The following CAMK2A variants were observed in gnomAD, a reference collection of about 807,000 sequenced individuals.
CAMK2A encodes the protein calcium/calmodulin-dependent protein kinase type II subunit alpha.
Under a neutral mutation model 79.2 loss-of-function variants are expected in CAMK2A, and 7 were observed. That is an observed-to-expected ratio of 0.09 (90% confidence interval 0.05 to 0.17). The LOEUF is 0.17. Ranked by LOEUF, CAMK2A falls within the 10% of genes least tolerant of loss-of-function variation. The pLI is 1.00. For synonymous variants in CAMK2A, 242 were observed against 251.7 expected, an observed-to-expected ratio of 0.96 and a Z score of 0.36; for missense variants, 214 against 646.4, an observed-to-expected ratio of 0.33 and a Z score of 7.25.
chr5:150,239,070 G>A (rs1222963352), intron 14 of CAMK2A, among the ~76,000 whole-genome samples: 5 of 152,176 alleles, frequency 3.3e-5, no homozygotes, highest in African/African-American at 9.7e-5. Flanking sequence ...ACACCATGGC[G>A]GCCGCAGAGT....
At chr5:150,280,751 T>C (rs1757178044) in intron 1 of CAMK2A, among the ~76,000 whole-genome samples, 1 of 152,076 alleles carries the variant, frequency 6.6e-6, no homozygotes, top group African/African-American at 2.4e-5. Context: ...GCCCTTCCTT[T>C]TGTTTCTGGG....
intron 1 of CAMK2A, among the ~76,000 whole-genome samples, chr5:150,288,172 G>A (rs1033662798): frequency 6.6e-6 from 1 of 152,058 alleles, no homozygotes; most frequent in Admixed American, 6.5e-5. Flanking sequence ...ACGTAGATGT[G>A]CATATCAAGA....
intron 2 of CAMK2A, among the ~76,000 whole-genome samples, chr5:150,271,257 TG>T (rs1314285703): frequency 7.2e-5 from 11 of 152,216 alleles, no homozygotes; most frequent in Non-Finnish European, 1.5e-4. Context: ...CTTTTCATAC[TG>T]ACTGTATAGC....
chr5:150,247,497 G>A (rs988185225), intron 12 of CAMK2A, among the ~76,000 whole-genome samples: 2 of 152,198 alleles, frequency 1.3e-5, no homozygotes, highest in African/African-American at 2.4e-5. Flanking sequence ...TCCCCTCTAG[G>A]CGGCCCAGCC....
intron 17 of CAMK2A, among the ~76,000 whole-genome samples, chr5:150,225,743 A>G (rs930267714): frequency 1.5e-4 from 6 of 40,454 alleles, no homozygotes; most frequent in Non-Finnish European, 5.7e-4. Context: ...AATTGTTATT[A>G]TTATTATTAT....
intron 2 of CAMK2A, 27 bp downstream of exon 2, chr5:150,273,038 T>C (rs1756814989): frequency 6.4e-7 from 1 of 1,560,016 alleles, no homozygotes; most frequent in East Asian, 2.3e-5. Context: ...CCCTGGAGGG[T>C]GGGCAGGGTA....
At chr5:150,251,905 G>T in intron 8 of CAMK2A, 61 bp from the exon 9 acceptor site, 1 of 1,547,516 alleles carries the variant, frequency 6.5e-7, no homozygotes, top group South Asian at 1.1e-5. Context: ...GGGGAGGGGA[G>T]TGATGGGAAA....
intron 4 of CAMK2A, 34 bp downstream of exon 4, chr5:150,257,529 C>G: frequency 6.5e-7 from 1 of 1,538,874 alleles, no homozygotes; most frequent in Non-Finnish European, 8.8e-7. Flanking sequence ...AGCCCCAACA[C>G]CGTTGGCGCA....
intron 15 of CAMK2A, among the ~76,000 whole-genome samples, chr5:150,231,823 C>T (rs768066499): frequency 6.6e-6 from 1 of 152,178 alleles, no homozygotes; most frequent in African/African-American, 2.4e-5. Flanking sequence ...TCACTGATAG[C>T]CATGAGCCAG....
chr5:150,221,691 G>C lies in CAMK2A; in HGVS notation c.*1019C>G, dbSNP rs934652163. 8 of 394,772 alleles carry C rather than the reference G, an allele frequency of 2.0e-5. No individual in the cohort carries two copies. Among genetic ancestry groups the C allele is most frequent in the African/African-American group, 1.7e-4 (8 of 48,036 alleles). The allele number at this position is 394,772 out of a possible 1,614,324, so 24.5% of individuals were successfully genotyped here. A position where few individuals can be genotyped will look rare whatever the true frequency, so the allele number is the denominator to read the frequency against. On this transcript the variant is annotated 3_prime_UTR_variant, in exon 19 of 19. Transcript: ENST00000671881. Reference sequence around the variant, plus strand: ...AATGGCAGAGAGGCCCTTCTCCCCGGAGCTGAGTCCACCTTGGCCCCAATA... The same window carrying C: ...AATGGCAGAGAGGCCCTTCTCCCCGCAGCTGAGTCCACCTTGGCCCCAATA...
chr5:150,262,601 G>A (rs564140111), intron 3 of CAMK2A, among the ~76,000 whole-genome samples: 1 of 152,222 alleles, frequency 6.6e-6, no homozygotes, highest in Admixed American at 6.5e-5. Context: ...GTGGGTCTAC[G>A]ATGCACCTGA....
intron 3 of CAMK2A, among the ~76,000 whole-genome samples, chr5:150,263,596 C>T (rs1456363053): frequency 6.6e-6 from 1 of 151,996 alleles, no homozygotes; most frequent in Non-Finnish European, 1.5e-5. Context: ...TACACATACA[C>T]TCACACGCAC....
At chr5:150,235,871 G>C (rs747888626) in intron 15 of CAMK2A, among the ~76,000 whole-genome samples, 2 of 152,156 alleles carry the variant, frequency 1.3e-5, no homozygotes, top group African/African-American at 4.8e-5. Context: ...GAGGCCGGGA[G>C]AGGCTGGGGG....
chr5:150,238,189 G>C (rs1489772122), intron 15 of CAMK2A: 1 of 158,566 alleles, frequency 6.3e-6, no homozygotes, highest in Non-Finnish European at 1.4e-5. Flanking sequence ...AGTGGCTCAT[G>C]CCTGTAATCC....
chr5:150,248,321 T>G (rs1755663986), intron 11 of CAMK2A, among the ~76,000 whole-genome samples: 1 of 103,648 alleles, frequency 9.6e-6, no homozygotes, highest in Admixed American at 8.7e-5. Context: ...TTTCCAAGTT[T>G]TTTATTTTAT....
chr5:150,234,122 C>G (rs1305997803), intron 15 of CAMK2A, among the ~76,000 whole-genome samples: 1 of 152,170 alleles, frequency 6.6e-6, no homozygotes, highest in Non-Finnish European at 1.5e-5. Flanking sequence ...AGAGCTACCT[C>G]TTTCTTGCCA....
intron 12 of CAMK2A, among the ~76,000 whole-genome samples, chr5:150,245,957 G>C (rs1311671339): frequency 6.6e-6 from 1 of 152,244 alleles, no homozygotes; most frequent in Non-Finnish European, 1.5e-5. Context: ...GTCCAGCCCT[G>C]CCCACAGGCA....
intron 18 of CAMK2A, 35 bp from the exon 19 acceptor site, chr5:150,222,748 G>A (rs1179405459): frequency 1.2e-6 from 2 of 1,613,398 alleles, no homozygotes; most frequent in Admixed American, 3.3e-5. Flanking sequence ...CTCAGGGCAT[G>A]GTGTTTCCTG....
At chr5:150,262,645 A>AATG (rs1473627183) in intron 3 of CAMK2A, among the ~76,000 whole-genome samples, 2 of 152,128 alleles carry the variant, frequency 1.3e-5, no homozygotes, top group South Asian at 2.1e-4. Flanking sequence ...TAAATGACTC[A>AATG]ATGATGATGA....
Sources: allele counts gnomAD v4.1 joint callset (sites outside exome capture counted in the v4.1 genomes callset), GRCh38; gene constraint gnomAD v4.1.1; transcripts MANE v1.5; gene names NCBI Gene and HGNC (gene_info 2026-07-23, HGNC 2026-07-21).